Variants in CLEC12A observed in about 807,000 individuals in gnomAD.
CLEC12A encodes the protein C-type lectin protein CLL-1.
A neutral mutation model predicts 26.5 loss-of-function variants in CLEC12A; 22 were observed. That is an observed-to-expected ratio of 0.83 (90% CI 0.59 to 1.19). The LOEUF (loss-of-function observed/expected upper bound fraction) is 1.19. Among genes scored for constraint, CLEC12A ranks in the 50% most tolerant of loss-of-function variants. CLEC12A has a pLI of 0.00. For synonymous variants in CLEC12A, 119 were observed against 101.9 expected (o/e 1.17, Z -1.01); for missense variants, 353 against 315.6 (o/e 1.12, Z -0.90).
chr12:9,962,919 GC>G (rs755702438), intron 1 of CLEC12A, among the ~76,000 whole-genome samples: 290 of 152,274 alleles, frequency 1.9e-3, no homozygotes, highest in Non-Finnish European at 3.3e-3. Context: ...AATTTTGGGG[GC>G]TTGGTATGGA....
intron 1 of CLEC12A, among the ~76,000 whole-genome samples, chr12:9,964,763 A>G (rs913344821): frequency 6.6e-6 from 1 of 152,190 alleles, no homozygotes; most frequent in African/African-American, 2.4e-5. Flanking sequence ...GACTTGTACT[A>G]TAGCATAGCC....
At chr12:9,956,766 C>T (rs1199365720) in intron 1 of CLEC12A, among the ~76,000 whole-genome samples, 1 of 152,114 alleles carries the variant, frequency 6.6e-6, no homozygotes, top group Non-Finnish European at 1.5e-5. Flanking sequence ...AAATGGGGAG[C>T]TGGAGAGAGA....
downstream of CLEC12A, among the ~76,000 whole-genome samples, chr12:9,989,319 T>A (rs545226802): frequency 9.9e-5 from 15 of 151,592 alleles, no homozygotes; most frequent in Non-Finnish European, 1.8e-4. Flanking sequence ...AATATGTAAC[T>A]AACCTGCACG....
At chr12:9,986,089 G>A (rs1198404295), downstream of CLEC12A, 3 of 454,350 alleles carry the variant, frequency 6.6e-6, no homozygotes, top group Non-Finnish European at 1.3e-5. Flanking sequence ...TACAGATCCC[G>A]GCCCAGTGGG....
At chr12:9,967,402 T>C (rs949253117), upstream of CLEC12A, among the ~76,000 whole-genome samples, 17 of 152,264 alleles carry the variant, frequency 1.1e-4, no homozygotes, top group African/African-American at 3.9e-4. Context: ...TTTCTGGCTA[T>C]GTGGAACTAC....
chr12:9,973,968 C>G (rs1864234572), intron 1 of CLEC12A, among the ~76,000 whole-genome samples: 1 of 152,132 alleles, frequency 6.6e-6, no homozygotes, highest in South Asian at 2.1e-4. Flanking sequence ...TATTTAACTT[C>G]TTTGTTTCCT....
chr12:9,970,231 C>A (rs1043503786), upstream of CLEC12A, among the ~76,000 whole-genome samples: 5 of 151,472 alleles, frequency 3.3e-5, no homozygotes, highest in African/African-American at 7.3e-5. Context: ...TTTTTCTTTT[C>A]TTCAATAGTT....
chr12:9,975,017 C>G (rs938243846), intron 1 of CLEC12A, among the ~76,000 whole-genome samples: 1 of 152,158 alleles, frequency 6.6e-6, no homozygotes, highest in Admixed American at 6.6e-5. Flanking sequence ...CACAAGTTCT[C>G]TCTTGTCTGT....
rs1865015981 is a variant in CLEC12A at position 9,995,352 on chromosome 12, T to C, written n.1339T>C. Reference sequence around the variant, plus strand: ...GTTGGACAAAAAATGTTGGATTACATGTCTATATTAGTATTAATGGATTAC... The same window carrying C: ...GTTGGACAAAAAATGTTGGATTACACGTCTATATTAGTATTAATGGATTAC... On this transcript the variant is annotated non_coding_transcript_exon_variant, in exon 5 of 5. Coordinates refer to the CLEC12A transcript ENST00000449959. The C allele has an allele frequency of 5.7e-6, 5 of 879,702 alleles. No individual in the cohort carries two copies. In the East Asian group the frequency reaches 1.2e-4, roughly 22 times the overall value. 54.5% of individuals were successfully genotyped at this position (879,702 alleles called of 1,614,324 possible).
chr12:9,961,711 C>T lies in CLEC12A; in HGVS notation c.11-9866C>T, dbSNP rs561792599. ...AATTTCTGTTTTTAATACATAAGGCCTGTTATTTAATAAAAAATTATGAGA... is the reference window on the plus strand; with the variant it reads ...AATTTCTGTTTTTAATACATAAGGCTTGTTATTTAATAAAAAATTATGAGA... On this transcript the variant is annotated intron_variant, in intron 1 of 6. Coordinates refer to the CLEC12A transcript ENST00000355690. Among the ~76,000 whole-genome samples the T allele has an allele frequency of 5.0e-5, 7 of 140,068 alleles. No homozygotes were observed. The South Asian group carries it at 6.7e-4, about 13-fold the overall frequency. 91.9% of individuals were successfully genotyped at this position (140,068 alleles called of 152,430 possible).
chr12:9,979,330 G>A lies in CLEC12A; in HGVS notation c.191-6G>A, dbSNP rs1452810572. 1 of 1,566,456 alleles carries A rather than the reference G, an allele frequency of 6.4e-7. No individual in the cohort carries two copies. The highest frequency in any genetic ancestry group is 8.7e-7 in the Non-Finnish European group (1 of 1,151,044). On this transcript the variant is annotated splice_polypyrimidine_tract_variant and splice_region_variant and intron_variant, in intron 2 of 5. Transcript: ENST00000304361. The stretch of plus-strand genomic sequence containing the variant: ...TACAATTTTTTGTCATTTTTTTAAT[G>A]TGGAGTTCACGTAACTTTGAAGATA...
upstream of CLEC12A, among the ~76,000 whole-genome samples, chr12:9,970,172 CT>C (rs895068857): frequency 1.3e-5 from 2 of 152,064 alleles, no homozygotes; most frequent in Non-Finnish European, 1.5e-5. Flanking sequence ...AATTTAGTTT[CT>C]TTTTATACAG....
intron 1 of CLEC12A, chr12:9,951,456 G>A (rs1249195247): frequency 1.6e-5 from 11 of 699,382 alleles, no homozygotes; most frequent in South Asian, 5.9e-5. Context: ...GCCAACTGAC[G>A]GAGAGAGGAA....
chr12:10,002,026 CCCA>C, the CLEC12A span, among the ~76,000 whole-genome samples: 1 of 151,786 alleles, frequency 6.6e-6, no homozygotes. Context: ...AGTACAGGCG[CCCA>C]CCACCACGCC....
intron 1 of CLEC12A, among the ~76,000 whole-genome samples, chr12:9,961,971 G>A (rs187756038): frequency 7.8e-4 from 119 of 152,292 alleles, no homozygotes; most frequent in Middle Eastern, 3.4e-3. Context: ...AGATTTAAAG[G>A]TGGGAGAATC....
chr12:9,955,320 C>T (rs1863726572), intron 1 of CLEC12A, among the ~76,000 whole-genome samples: 1 of 152,266 alleles, frequency 6.6e-6, no homozygotes, highest in African/African-American at 2.4e-5. Context: ...ATCTCCTGAC[C>T]TCATGATCCT....
intron 1 of CLEC12A, among the ~76,000 whole-genome samples, chr12:9,965,949 G>A (rs1863935003): frequency 6.6e-6 from 1 of 152,100 alleles, no homozygotes; most frequent in Non-Finnish European, 1.5e-5. Flanking sequence ...AGGATGTGAA[G>A]GAGGCTTTGA....
Position 9,979,482 on chromosome 12 carries a change from A to C in CLEC12A, c.337A>C (p.Ile113Leu), listed in dbSNP as rs775468121. The change falls in exon 3 of 6, where the codon ATA becomes CTA. Residue 113 changes from isoleucine (I) to leucine (L), a missense_variant. Transcript: ENST00000304361. ...IRNLSTTLQT[I>L]ATKLCRELYS... ...GAACCTCTCCACCACACTGCAAACAATAGCCACCAAATTATGTCGTGAGCT... is the reference window on the plus strand; with the variant it reads ...GAACCTCTCCACCACACTGCAAACACTAGCCACCAAATTATGTCGTGAGCT... The C allele has an allele frequency of 1.9e-6, 3 of 1,613,378 alleles. No individual in the cohort carries two copies. The highest frequency in any genetic ancestry group is 2.5e-6 in the Non-Finnish European group (3 of 1,179,628).
At chr12:9,977,513 T>C (rs187904704) in intron 1 of CLEC12A, among the ~76,000 whole-genome samples, 98 of 152,338 alleles carry the variant, frequency 6.4e-4, no homozygotes, top group Non-Finnish European at 1.3e-3. Flanking sequence ...ATTCTGTTTT[T>C]CAAATAGAAA....
Sources: allele counts gnomAD v4.1 joint callset (sites outside exome capture counted in the v4.1 genomes callset), GRCh38; gene constraint gnomAD v4.1.1; transcripts MANE v1.5; gene names NCBI Gene and HGNC (gene_info 2026-07-23, HGNC 2026-07-21).